KLC1: variants seen among roughly 807,000 people sequenced by gnomAD.
KLC1 encodes the protein kinesin light chain 1, also known as kinesin 2 60/70kDa.
A neutral mutation model predicts 84.2 loss-of-function variants in KLC1; 30 were observed. The observed-to-expected ratio is 0.36, with a 90% CI of 0.27 to 0.48. The LOEUF (loss-of-function observed/expected upper bound fraction) is 0.48, where lower values mean the gene tolerates loss of function less well. KLC1 is among the 20% of genes least tolerant of loss of function. KLC1 has a pLI of 0.99. For synonymous variants in KLC1, 289 were observed against 293.3 expected (o/e 0.99, Z 0.15); for missense variants, 499 against 805.4 (o/e 0.62, Z 4.60).
chr14:103,647,929 TA>T (rs200520313), intron 1 of KLC1, among the ~76,000 whole-genome samples: 2,419 of 151,828 alleles, frequency 0.016, 62 homozygotes, highest in African/African-American at 0.055. Flanking sequence ...GGGTAGTTTG[TA>T]AAAGACCAGG....
chr14:103,646,671 C>G (rs778054744), intron 1 of KLC1, among the ~76,000 whole-genome samples: 8 of 151,978 alleles, frequency 5.3e-5, no homozygotes, highest in Non-Finnish European at 8.8e-5. Context: ...GATGGGACCC[C>G]TCTATGTTGC....
rs141328288 is a variant in KLC1, at chr14:103,652,952, G to C, written c.-1-1612G>C. On this transcript the variant is annotated intron_variant, in intron 1 of 16. Transcript: ENST00000334553. ...CAGTGTGTGATGCAGAGACTAACGT[G>C]ACCCTATTCTCAAGCACTCATAGCT... 1.3e-3 allele frequency among the ~76,000 whole-genome samples: 203 copies of C among 152,248 alleles called. 1 individual carries two copies. The Middle Eastern group carries it at 0.014, about 10-fold the overall frequency.
At chr14:103,660,516 C>A (rs557460121) in intron 3 of KLC1, among the ~76,000 whole-genome samples, 1 of 149,966 alleles carries the variant, frequency 6.7e-6, no homozygotes, top group African/African-American at 2.4e-5. Flanking sequence ...AAGGCCGATG[C>A]GGTGGCTCAT....
intron 3 of KLC1, among the ~76,000 whole-genome samples, chr14:103,658,916 C>G (rs1450378763): frequency 6.6e-6 from 1 of 152,002 alleles, no homozygotes; most frequent in Non-Finnish European, 1.5e-5. Flanking sequence ...CTCGGCCTCC[C>G]AAAGTGCTGG....
chr14:103,653,662 T>G (rs1289093799), intron 1 of KLC1, among the ~76,000 whole-genome samples: 2 of 152,212 alleles, frequency 1.3e-5, no homozygotes, highest in Admixed American at 1.3e-4. Flanking sequence ...AAGGTGACAT[T>G]AGACACTTAA....
chr14:103,636,381 C>T (rs4561394), intron 1 of KLC1, among the ~76,000 whole-genome samples: 41,758 of 151,864 alleles, frequency 0.27, 6,283 homozygotes, highest in East Asian at 0.53. Context: ...GCCACCATGC[C>T]GGGCTAATTT....
chr14:103,687,104 C>T lies in KLC1; in HGVS notation c.1674C>T (p.Arg558=). Residue 558 remains arginine, a synonymous_variant, in exon 14 of 17, where the codon CGC becomes CGT. Transcript: ENST00000334553. ...AGGATGGCACTGGATCTTTAAAACG[C>T]AGTGGTTCCTTTAGCAAACTCCGGG... ...WNGDGTGSLK[R]SGSFSKLRAS... The T allele has an allele frequency of 6.5e-7, 1 of 1,544,606 alleles. No homozygotes were observed. The highest frequency in any genetic ancestry group is 1.2e-5 in the South Asian group (1 of 83,724).
Position 103,701,374 on chromosome 14 carries a change from T to TTGGGGC in KLC1, c.*186_*191dup, listed in dbSNP as rs1205553683. On this transcript the variant is annotated 3_prime_UTR_variant, in exon 17 of 17. Coordinates refer to ENST00000334553, the MANE Select transcript of KLC1 (RefSeq NM_001394837.1). ...TAATAACCACACGGCTGGCGTGACC[T>TTGGGGC]TGGGGCTGGGGCTGGGCCTAAGCTG... 6.0e-6 allele frequency: 4 copies of TTGGGGC among 663,256 alleles called. No individual in the cohort carries two copies. Among genetic ancestry groups the TTGGGGC allele is most frequent in the East Asian group, 3.0e-5 (1 of 33,664 alleles). The allele number at this position is 663,256 out of a possible 1,614,324, so 41.1% of individuals were successfully genotyped here. A position where few individuals can be genotyped will look rare whatever the true frequency, so the allele number is the denominator to read the frequency against.
chr14:103,649,727 G>A (rs1032158249), intron 1 of KLC1, among the ~76,000 whole-genome samples: 7 of 148,578 alleles, frequency 4.7e-5, no homozygotes, highest in Non-Finnish European at 8.9e-5. Context: ...ACGGAGTCTC[G>A]CTCTGTCGCC....
chr14:103,653,007 G>C (rs2078577613), intron 1 of KLC1, among the ~76,000 whole-genome samples: 1 of 152,172 alleles, frequency 6.6e-6, no homozygotes, highest in Non-Finnish European at 1.5e-5. Flanking sequence ...TATATAGTCT[G>C]TATCTGCTGA....
At chr14:103,666,391 T>A (rs1444063090) in intron 5 of KLC1, among the ~76,000 whole-genome samples, 2 of 151,198 alleles carry the variant, frequency 1.3e-5, no homozygotes, top group Non-Finnish European at 1.5e-5. Flanking sequence ...CCCACTTGAT[T>A]TAACAAATCA....
chr14:103,669,582 G>A lies in KLC1; in HGVS notation c.869G>A (p.Gly290Asp). 1.2e-6 allele frequency: 2 copies of A among 1,607,266 alleles called. No individual in the cohort carries two copies. The highest frequency in any genetic ancestry group is 1.7e-6 in the Non-Finnish European group (2 of 1,173,914). The change falls in exon 6 of 17, where the codon GGC becomes GAC. Residue 290 changes from glycine (G) to aspartate (D), a missense_variant. This residue lies in a region of KLC1 where 153 missense variants were observed against 332.4 expected (regional missense o/e 0.46). Coordinates refer to ENST00000334553, the MANE Select transcript of KLC1 (RefSeq NM_001394837.1). Reference sequence around the variant, plus strand: ...TTGGCTATTCGTGAGAAAACTTTGGGCAAAGATCATCCTGCGGTTTGTATA... The same window carrying A: ...TTGGCTATTCGTGAGAAAACTTTGGACAAAGATCATCCTGCGGTTTGTATA... The part of the protein sequence containing the change: ...DALAIREKTL[G>D]KDHPAVAATL...
In KLC1 at chr14:103,694,170, C is replaced by T. The variant is rs2082282946; in HGVS notation, c.1848+1745C>T. 3 of 985,688 alleles carry T rather than the reference C, an allele frequency of 3.0e-6. No individual in the cohort carries two copies. The highest frequency in any genetic ancestry group is 3.6e-6 in the Non-Finnish European group (3 of 830,080). 61.1% of individuals were successfully genotyped at this position (985,688 alleles called of 1,614,324 possible). On this transcript the variant is annotated intron_variant, in intron 15 of 16. Transcript: ENST00000334553. This position sits in a 1 kb window ranked among gnomAD's most constrained non-coding sequence, Gnocchi z 4.5. ...CTTTCCAAGGTCCCCATGCCTGTGG[C>T]CCTGGGGCCCCATGCCCCCTTTTGA...
chr14:103,641,462 G>A lies in KLC1; in HGVS notation c.-2+11968G>A, dbSNP rs148755332. On this transcript the variant is annotated intron_variant, in intron 1 of 16. Transcript: ENST00000334553. ...AACACAAGCCACAGTCCTGGAGGCT[G>A]GAAGTCTGGGATCAGGGTGCCAGCA... is the stretch of plus-strand genomic sequence containing the variant. Among the ~76,000 whole-genome samples, 10 of 152,248 alleles carry A rather than the reference G, an allele frequency of 6.6e-5. No individual in the cohort carries two copies. In the East Asian group the frequency reaches 1.9e-3, roughly 29 times the overall value.
At chr14:103,692,029 C>CA in intron 14 of KLC1, among the ~76,000 whole-genome samples, 1 of 152,162 alleles carries the variant, frequency 6.6e-6, no homozygotes, top group South Asian at 2.1e-4. Context: ...CTTGGCCTTC[C>CA]AAAGCATTGG....
At position 103,693,665 on chromosome 14, in the gene KLC1, C is replaced by T. The variant is rs531043409; in HGVS notation, c.1848+1240C>T. The stretch of plus-strand genomic sequence containing the variant: ...CTGTCTTGGGAGTGTGAGACCGCCC[C>T]GCCCTGCCACGCCCCTCACCGCCCT... On this transcript the variant is annotated intron_variant, in intron 15 of 16. Coordinates refer to ENST00000334553, the MANE Select transcript of KLC1 (RefSeq NM_001394837.1). This position sits in a 1 kb window ranked among gnomAD's most constrained non-coding sequence, Gnocchi z 5.1. The T allele has an allele frequency of 4.0e-4, 604 of 1,528,708 alleles. 5 individuals are homozygous for T. In the African/African-American group the frequency reaches 7.5e-3, roughly 19 times the overall value. 94.7% of individuals were successfully genotyped at this position (1,528,708 alleles called of 1,614,324 possible).
chr14:103,662,437 A>G lies in KLC1; in HGVS notation c.571+243A>G, dbSNP rs149073100. On this transcript the variant is annotated intron_variant, in intron 4 of 16. Transcript: ENST00000334553. ...TCAGGCGTGGTCTGCAGATTCTTAC[A>G]GGGTGAAGAGGTCAGAATTACTTAT... Among the ~76,000 whole-genome samples, 1,106 of 152,220 alleles carry G rather than the reference A, an allele frequency of 7.3e-3. 2 individuals carry two copies. Among genetic ancestry groups the G allele is most frequent in the Non-Finnish European group, 0.012 (792 of 68,002 alleles).
chr14:103,692,803 A>G (rs886640919), intron 15 of KLC1, among the ~76,000 whole-genome samples: 4 of 152,228 alleles, frequency 2.6e-5, no homozygotes, highest in Non-Finnish European at 5.9e-5. Flanking sequence ...TTAATTGTCT[A>G]CTTAAGCTGT....
At chr14:103,657,813 A>G (rs1215505122) in intron 3 of KLC1, 37 bp downstream of exon 3, 1 of 1,457,016 alleles carries the variant, frequency 6.9e-7, no homozygotes, top group African/African-American at 1.4e-5. Flanking sequence ...GCTAATGTTT[A>G]AAATGGAGTC....
Sources: gnomAD v4.1 joint callset for allele counts (sites outside exome capture counted in the v4.1 genomes callset) on GRCh38, gnomAD v4.1.1 for gene constraint, gnomAD v4.1.1 regional missense constraint, Gnocchi (gnomAD v3.1) non-coding constraint, MANE v1.5 for transcripts, NCBI Gene and HGNC (gene_info 2026-07-23, HGNC 2026-07-21) for gene names.